The following CCDC138 variants were observed in gnomAD, a reference collection of about 807,000 sequenced individuals.
The protein encoded by CCDC138 is coiled-coil domain containing 138, also known as coiled-coil domain-containing protein 138.
In CCDC138, 66 loss-of-function variants were observed where a neutral mutation model predicts 82.3. The ratio of observed to expected loss-of-function variants is 0.80; its 90% CI spans 0.66 to 0.98. CCDC138 has a LOEUF of 0.98. Ranked by LOEUF, CCDC138 falls within the 50% of genes least tolerant of loss-of-function variation. The probability of loss-of-function intolerance (pLI) is 0.00; values close to 1 mark genes in which losing one functional copy is unlikely to be tolerated. For synonymous variants in CCDC138, 297 were observed against 265.4 expected (o/e 1.12, Z -1.16); for missense variants, 816 against 758.9 (o/e 1.08, Z -0.88).
intron 10 of CCDC138, among the ~76,000 whole-genome samples, chr2:108,818,341 G>GA (rs1306820633): frequency 6.6e-6 from 1 of 152,068 alleles, no homozygotes; most frequent in African/African-American, 2.4e-5. Flanking sequence ...ATGTAATACT[G>GA]TGTTTTTATA....
intron 13 of CCDC138, among the ~76,000 whole-genome samples, chr2:108,857,267 CG>C (rs1291157948): frequency 6.6e-6 from 1 of 151,728 alleles, no homozygotes; most frequent in African/African-American, 2.4e-5. Flanking sequence ...TTGGTAGAGA[CG>C]GGGTTTCACC....
intron 12 of CCDC138, among the ~76,000 whole-genome samples, chr2:108,849,126 C>T (rs527718782): frequency 1.2e-4 from 18 of 152,056 alleles, no homozygotes; most frequent in Non-Finnish European, 2.1e-4. Context: ...TGCAGACAAA[C>T]GACTAGTGAA....
At chr2:108,791,589 GC>G (rs1224823617) in intron 3 of CCDC138, 85 bp from the exon 4 acceptor site, 2 of 1,436,390 alleles carry the variant, frequency 1.4e-6, no homozygotes, top group East Asian at 4.7e-5. Flanking sequence ...TCTCAGTTAT[GC>G]TGTTAATATT....
chr2:108,881,518 C>T (rs941616313), downstream of CCDC138, among the ~76,000 whole-genome samples: 1 of 152,196 alleles, frequency 6.6e-6, no homozygotes, highest in Non-Finnish European at 1.5e-5. Flanking sequence ...TTTTCCTTTG[C>T]TTTCACAACT....
In CCDC138 at chr2:108,876,144, A is replaced by C; in HGVS notation, c.1889A>C (p.Gln630Pro). The change falls in exon 15 of 15, where the codon CAA becomes CCA. Residue 630 changes from glutamine (Q) to proline (P), a missense_variant. Coordinates refer to ENST00000295124, the MANE Select transcript of CCDC138 (RefSeq NM_144978.3). ...ATTCATCTGATGCTTCAAGAAATAC[A>C]AAGGACAACAAACCCAGAGCATGCA... ...FTIHLMLQEI[Q>P]RTTNPEHAFL... 6.2e-7 allele frequency: 1 copy of C among 1,610,542 alleles called. No individual in the cohort carries two copies. The highest frequency in any genetic ancestry group is 1.1e-5 in the South Asian group (1 of 90,996).
intron 10 of CCDC138, among the ~76,000 whole-genome samples, chr2:108,827,366 TAA>T (rs1686785883): frequency 6.6e-6 from 1 of 151,994 alleles, no homozygotes; most frequent in Admixed American, 6.6e-5. Flanking sequence ...GTAAAATAAA[TAA>T]AAGAGAAAAT....
chr2:108,804,766 A>G (rs528491807), intron 6 of CCDC138, 123 bp from the exon 7 acceptor site: 3 of 847,086 alleles, frequency 3.5e-6, no homozygotes, highest in East Asian at 3.0e-5. Context: ...TTGTGCTTGC[A>G]TACACTGATT....
rs972255022 is a variant in CCDC138 at position 108,812,801 on chromosome 2, C to T, written c.934-19C>T. 3.1e-6 allele frequency: 5 copies of T among 1,610,546 alleles called. No homozygotes were observed. The highest frequency in any genetic ancestry group is 2.2e-5 in the East Asian group (1 of 44,790). ...TTAGATACAATTGTTCTTTAATTCA[C>T]GCATATATACTGTTGCAGAGGAAGT... On this transcript the variant is annotated intron_variant, in intron 8 of 14. Coordinates refer to ENST00000295124, the MANE Select transcript of CCDC138 (RefSeq NM_144978.3).
chr2:108,805,755 A>G (rs573294415), intron 7 of CCDC138, among the ~76,000 whole-genome samples: 2 of 152,238 alleles, frequency 1.3e-5, no homozygotes, highest in South Asian at 2.1e-4. Context: ...TTAGATTAAT[A>G]TATAATACCA....
intron 3 of CCDC138, among the ~76,000 whole-genome samples, chr2:108,789,914 C>T (rs1027115202): frequency 1.3e-5 from 2 of 152,100 alleles, no homozygotes; most frequent in Admixed American, 6.5e-5. Context: ...CTATGGGTAT[C>T]AAGAAGGAGT....
At chr2:108,795,837 A>C (rs1680774161) in intron 5 of CCDC138, among the ~76,000 whole-genome samples, 2 of 152,206 alleles carry the variant, frequency 1.3e-5, no homozygotes, top group South Asian at 4.1e-4. Context: ...ATGAAAACTC[A>C]GGCTGGGTAT....
intron 3 of CCDC138, among the ~76,000 whole-genome samples, chr2:108,790,791 C>T (rs988568073): frequency 6.6e-6 from 1 of 152,130 alleles, no homozygotes; most frequent in Non-Finnish European, 1.5e-5. Flanking sequence ...GAGCCTGTTG[C>T]CCAGGCTGTG....
intron 5 of CCDC138, among the ~76,000 whole-genome samples, chr2:108,796,059 TA>T (rs1680818479): frequency 6.6e-6 from 1 of 152,182 alleles, no homozygotes; most frequent in Non-Finnish European, 1.5e-5. Context: ...TTTATTTATT[TA>T]TTTTTTTGAG....
chr2:108,827,688 A>T (rs1424185012), intron 10 of CCDC138, among the ~76,000 whole-genome samples: 3 of 151,742 alleles, frequency 2.0e-5, no homozygotes, highest in South Asian at 4.1e-4. Context: ...TGGTGGCAGG[A>T]GCTTGTAGTC....
At chr2:108,826,479 C>T (rs1686615979) in intron 10 of CCDC138, among the ~76,000 whole-genome samples, 1 of 152,060 alleles carries the variant, frequency 6.6e-6, no homozygotes, top group Non-Finnish European at 1.5e-5. Flanking sequence ...TGTAGATACC[C>T]ATTTGTTTCA....
rs536057235 is a variant in CCDC138 at position 108,872,991 on chromosome 2, C to T, written c.1694-460C>T. 4.1e-4 allele frequency among the ~76,000 whole-genome samples: 62 copies of T among 152,152 alleles called. No homozygotes were observed. The South Asian group carries it at 7.3e-3, about 18-fold the overall frequency. ...TCTTTTCCCTTTTTGCTTTTATGCTCCAAAGGTTCTTCCTTATCTAGTGAC... is the reference window on the plus strand; with the variant it reads ...TCTTTTCCCTTTTTGCTTTTATGCTTCAAAGGTTCTTCCTTATCTAGTGAC... On this transcript the variant is annotated intron_variant, in intron 13 of 14. Transcript: ENST00000295124.
At position 108,788,180 on chromosome 2, in the gene CCDC138, A is replaced by T. The variant is rs1228953047; in HGVS notation, c.151+91A>T. 18 of 1,294,812 alleles carry T rather than the reference A, an allele frequency of 1.4e-5. No homozygotes were observed. In the Admixed American group the frequency reaches 3.8e-4, roughly 27 times the overall value. 80.2% of individuals were successfully genotyped at this position (1,294,812 alleles called of 1,614,324 possible). The stretch of plus-strand genomic sequence containing the variant: ...ACGCCTGTAATCCCAGCACTTTGGG[A>T]GGCCGAGGCAGGCGAATCACCTGAG... On this transcript the variant is annotated intron_variant, in intron 2 of 14. Coordinates refer to ENST00000295124, the MANE Select transcript of CCDC138 (RefSeq NM_144978.3).
intron 7 of CCDC138, among the ~76,000 whole-genome samples, chr2:108,808,891 C>T (rs550480706): frequency 4.6e-4 from 70 of 152,198 alleles, no homozygotes; most frequent in South Asian, 1.0e-3. Flanking sequence ...AGTATCTTTG[C>T]CCAGGCGATT....
chr2:108,831,541 G>A (rs1054578156), intron 10 of CCDC138, among the ~76,000 whole-genome samples: 1 of 152,198 alleles, frequency 6.6e-6, no homozygotes, highest in African/African-American at 2.4e-5. Context: ...GCTAGGAAAA[G>A]ACAGTGTTTG....
Sources: gnomAD v4.1 joint callset for allele counts (sites outside exome capture counted in the v4.1 genomes callset) on GRCh38, gnomAD v4.1.1 for gene constraint, MANE v1.5 for transcripts, NCBI Gene and HGNC (gene_info 2026-07-23, HGNC 2026-07-21) for gene names.